Variants in KIF16B observed in about 807,000 individuals in gnomAD.
KIF16B encodes kinesin-like protein KIF16B.
Under a neutral mutation model 156.3 loss-of-function variants are expected in KIF16B, and 98 were observed. That is an observed-to-expected ratio of 0.63 (90% CI 0.53 to 0.74). The LOEUF is 0.74. Among genes scored for constraint, KIF16B ranks in the 30% least tolerant of loss-of-function variants. KIF16B has a pLI of 0.00. For missense variants in KIF16B, 1,421 were observed against 1,606.5 expected, an observed-to-expected ratio of 0.88 and a Z score of 1.97; for synonymous variants, 564 against 583.7, an observed-to-expected ratio of 0.97 and a Z score of 0.49.
intron 1 of KIF16B, among the ~76,000 whole-genome samples, chr20:16,553,979 G>T (rs966778477): frequency 6.6e-6 from 1 of 152,220 alleles, no homozygotes; most frequent in African/African-American, 2.4e-5. Flanking sequence ...TAGCACTGAT[G>T]AGCATGGGAG....
chr20:16,390,923 G>A (rs557295727), intron 17 of KIF16B, among the ~76,000 whole-genome samples: 1 of 152,288 alleles, frequency 6.6e-6, no homozygotes, highest in African/African-American at 2.4e-5. Flanking sequence ...AAGAAAACAT[G>A]CTCATATATC....
At chr20:16,424,316 C>T (rs1478006922) in intron 15 of KIF16B, among the ~76,000 whole-genome samples, 3 of 152,092 alleles carry the variant, frequency 2.0e-5, no homozygotes, top group South Asian at 2.1e-4. Context: ...GGCGCTCCAT[C>T]GCAGCTGATG....
intron 12 of KIF16B, among the ~76,000 whole-genome samples, chr20:16,443,249 A>AC (rs2066850303): frequency 1.3e-5 from 2 of 152,138 alleles, no homozygotes; most frequent in African/African-American, 4.8e-5. Context: ...AATAAATCAA[A>AC]CTGTTCAAAC....
At chr20:16,367,471 G>A (rs759535166) in intron 22 of KIF16B, 5 of 1,612,752 alleles carry the variant, frequency 3.1e-6, no homozygotes, top group Non-Finnish European at 8.5e-7. Context: ...TCGAATGCGT[G>A]GATAAAAAAC....
intron 24 of KIF16B, among the ~76,000 whole-genome samples, chr20:16,334,327 G>T (rs2063998614): frequency 6.6e-6 from 1 of 152,158 alleles, no homozygotes; most frequent in African/African-American, 2.4e-5. Flanking sequence ...AAAACAAGCT[G>T]CTCTGTACAT....
At chr20:16,543,195 G>A (rs1293253811) in intron 1 of KIF16B, among the ~76,000 whole-genome samples, 2 of 152,194 alleles carry the variant, frequency 1.3e-5, no homozygotes, top group Non-Finnish European at 1.5e-5. Context: ...CTATAAGAAT[G>A]TGAAAGCTTT....
intron 3 of KIF16B, among the ~76,000 whole-genome samples, chr20:16,523,816 T>C (rs534269692): frequency 1.3e-5 from 2 of 152,252 alleles, no homozygotes; most frequent in East Asian, 1.9e-4. Flanking sequence ...CAAAACAGCA[T>C]GGTACTGATA....
chr20:16,506,210 T>A lies in KIF16B; in HGVS notation c.700-20A>T, dbSNP rs1343533719. The A allele has an allele frequency of 3.7e-6, 6 of 1,611,016 alleles. No homozygotes were observed. Among genetic ancestry groups the A allele is most frequent in the East Asian group, 2.2e-5 (1 of 44,884 alleles). ...TTTAGCCTGTGGTAAAATAAAAAAG[T>A]AAAATTGAAGAGGTGCAAAGGGCCC... is the stretch of plus-strand genomic sequence containing the variant. On this transcript the variant is annotated intron_variant, in intron 7 of 25. Coordinates refer to ENST00000354981, the MANE Select transcript of KIF16B (RefSeq NM_024704.5).
intron 24 of KIF16B, among the ~76,000 whole-genome samples, chr20:16,327,983 G>C (rs1463287997): frequency 6.6e-6 from 1 of 152,116 alleles, no homozygotes; most frequent in Non-Finnish European, 1.5e-5. Context: ...CTGTTATAAT[G>C]CATTTGAATA....
At chr20:16,368,510 G>A (rs2064734986) in intron 22 of KIF16B, 1 of 986,174 alleles carries the variant, frequency 1.0e-6, no homozygotes, top group South Asian at 4.7e-5. Context: ...TTCCCCACAA[G>A]CCTGGCTTGG....
Position 16,365,512 on chromosome 20 carries a change from C to T in KIF16B, c.3498+5074G>A, listed in dbSNP as rs547277274. On this transcript the variant is annotated intron_variant, in intron 22 of 25. Coordinates refer to ENST00000354981, the MANE Select transcript of KIF16B (RefSeq NM_024704.5). ...AATGCCTCCACTGGTCAGAAGCACA[C>T]ATGGCTGCAGCCACCAGTCTGTGGA... Among the ~76,000 whole-genome samples the T allele has an allele frequency of 2.6e-5, 4 of 152,330 alleles. No individual in the cohort carries two copies. The South Asian group carries it at 8.3e-4, about 32-fold the overall frequency.
chr20:16,437,021 A>G (rs1484739545), intron 12 of KIF16B, among the ~76,000 whole-genome samples: 1 of 152,240 alleles, frequency 6.6e-6, no homozygotes, highest in Non-Finnish European at 1.5e-5. Flanking sequence ...GTACTTGCAT[A>G]TAACCTATGC....
At chr20:16,369,445 A>G (rs931087368) in intron 22 of KIF16B, among the ~76,000 whole-genome samples, 3 of 136,778 alleles carry the variant, frequency 2.2e-5, no homozygotes, top group Non-Finnish European at 4.6e-5. Context: ...ATTCATACAT[A>G]GAACATCAAT....
At chr20:16,464,974 T>C (rs1323415593) in intron 12 of KIF16B, among the ~76,000 whole-genome samples, 2 of 152,056 alleles carry the variant, frequency 1.3e-5, no homozygotes, top group Admixed American at 1.3e-4. Context: ...CAGGGGTAAG[T>C]TTCTAACTAC....
At chr20:16,384,470 G>A (rs1450415719) in intron 17 of KIF16B, among the ~76,000 whole-genome samples, 2 of 152,206 alleles carry the variant, frequency 1.3e-5, no homozygotes, top group African/African-American at 4.8e-5. Flanking sequence ...TGCTATAGGA[G>A]AGGTGGCAAG....
chr20:16,459,471 G>A (rs528705461), intron 12 of KIF16B, among the ~76,000 whole-genome samples: 3 of 152,260 alleles, frequency 2.0e-5, no homozygotes, highest in Admixed American at 6.5e-5. Context: ...ACTTCCCCGG[G>A]CTGTGGAGTA....
At chr20:16,355,078 A>G (rs1256437507) in intron 23 of KIF16B, among the ~76,000 whole-genome samples, 2 of 151,914 alleles carry the variant, frequency 1.3e-5, no homozygotes, top group Non-Finnish European at 2.9e-5. Context: ...ATAAAATCCT[A>G]AAAGTCTGGT....
intron 12 of KIF16B, among the ~76,000 whole-genome samples, chr20:16,449,667 A>AG (rs1332298306): frequency 6.6e-6 from 1 of 152,244 alleles, no homozygotes; most frequent in Non-Finnish European, 1.5e-5. Context: ...GTTGGAAATA[A>AG]GGTTATAAAA....
chr20:16,278,922 G>C (rs2063104388), intron 25 of KIF16B, among the ~76,000 whole-genome samples: 1 of 152,108 alleles, frequency 6.6e-6, no homozygotes, highest in South Asian at 2.1e-4. Flanking sequence ...CCTTTCCTAG[G>C]CCTGATGGTG....
Sources: allele counts gnomAD v4.1 joint callset (sites outside exome capture counted in the v4.1 genomes callset), GRCh38; gene constraint gnomAD v4.1.1; transcripts MANE v1.5; gene names NCBI Gene and HGNC (gene_info 2026-07-23, HGNC 2026-07-21).